The following ASIC2 variants were observed in gnomAD, a reference collection of about 807,000 sequenced individuals.
ASIC2 encodes acid-sensing ion channel 2.
In ASIC2, 25 loss-of-function variants were observed where a neutral mutation model predicts 57.3. That is an observed-to-expected ratio of 0.44 (90% CI 0.32 to 0.61). The LOEUF is 0.61. Among genes scored for constraint, ASIC2 ranks in the 20% least tolerant of loss-of-function variants. ASIC2 has a pLI of 0.06. For synonymous variants in ASIC2, 319 were observed against 307.5 expected (o/e 1.04, Z -0.39); for missense variants, 641 against 738.1 (o/e 0.87, Z 1.52).
intron 1 of ASIC2, among the ~76,000 whole-genome samples, chr17:33,865,456 G>C (rs1252784143): frequency 6.6e-6 from 1 of 152,154 alleles, no homozygotes; most frequent in Admixed American, 6.5e-5. Context: ...GCCAGGTACA[G>C]CCACTATTAA....
At chr17:33,684,367 A>T (rs112912952) in intron 1 of ASIC2, among the ~76,000 whole-genome samples, 86 of 151,576 alleles carry the variant, frequency 5.7e-4, no homozygotes, top group South Asian at 1.3e-3. Context: ...AGAGCTGACT[A>T]CCCAAGTGCA....
intron 1 of ASIC2, among the ~76,000 whole-genome samples, chr17:34,124,269 A>G (rs372879478): frequency 9.9e-4 from 151 of 152,242 alleles, no homozygotes; most frequent in African/African-American, 3.6e-3. Context: ...GACATCACTT[A>G]CTATTACTAT....
chr17:34,060,042 C>A (rs1035535840), intron 1 of ASIC2, among the ~76,000 whole-genome samples: 1 of 152,210 alleles, frequency 6.6e-6, no homozygotes, highest in Admixed American at 6.5e-5. Context: ...CCAACCAGCA[C>A]AAAAATAGAG....
Position 33,701,163 on chromosome 17 carries a change from C to T in ASIC2, c.555+454815G>A, listed in dbSNP as rs530474568. 9.2e-5 allele frequency among the ~76,000 whole-genome samples: 14 copies of T among 152,096 alleles called. No homozygotes were observed. The South Asian group carries it at 1.9e-3, about 20-fold the overall frequency. On this transcript the variant is annotated intron_variant, in intron 1 of 9. Transcript: ENST00000359872. ...AACCTGTCAGGGATAGCAAAGAACCCGGATTCTTCAGATTAAAAACCTAGG... is the reference window on the plus strand; with the variant it reads ...AACCTGTCAGGGATAGCAAAGAACCTGGATTCTTCAGATTAAAAACCTAGG...
intron 1 of ASIC2, among the ~76,000 whole-genome samples, chr17:34,150,937 A>AC (rs1488180037): frequency 9.9e-5 from 15 of 151,924 alleles, no homozygotes; most frequent in Non-Finnish European, 2.1e-4. Context: ...ATCTGGTGAG[A>AC]CCCCATCTCT....
At chr17:34,008,087 G>T (rs1185940090) in intron 1 of ASIC2, among the ~76,000 whole-genome samples, 1 of 152,100 alleles carries the variant, frequency 6.6e-6, no homozygotes, top group Non-Finnish European at 1.5e-5. Context: ...TCCTCATTTG[G>T]CTCAAAACAA....
intron 1 of ASIC2, among the ~76,000 whole-genome samples, chr17:33,540,759 G>T (rs1231060569): frequency 6.6e-6 from 1 of 152,020 alleles, no homozygotes; most frequent in African/African-American, 2.4e-5. Context: ...TATTCACTGG[G>T]ACCTACCAGC....
At chr17:34,073,032 C>G (rs1285323032) in intron 1 of ASIC2, among the ~76,000 whole-genome samples, 1 of 152,004 alleles carries the variant, frequency 6.6e-6, no homozygotes, top group Non-Finnish European at 1.5e-5. Context: ...GATCAAAGAA[C>G]CAGGAGGTGA....
chr17:34,099,221 A>AAAGAAAGAAAGGAAAG lies in ASIC2; in HGVS notation c.555+56756_555+56757insCTTTCCTTTCTTTCTT, dbSNP rs1567821099. 2.8e-3 allele frequency among the ~76,000 whole-genome samples: 295 copies of AAAGAAAGAAAGGAAAG among 103,968 alleles called. 4 individuals are homozygous for AAAGAAAGAAAGGAAAG. The highest frequency in any genetic ancestry group is 4.2e-3 in the African/African-American group (73 of 17,296). The allele number at this position is 103,968 out of a possible 152,430, so 68.2% of individuals were successfully genotyped here. A position where few individuals can be genotyped will look rare whatever the true frequency, so the allele number is the denominator to read the frequency against. Reference sequence around the variant, plus strand: ...GAAAGAAAGAAAGAAAGGAAAGAAAAGAAAGAAAAAAGAAAGAGAGAAAGG... The same window carrying AAAGAAAGAAAGGAAAG: ...GAAAGAAAGAAAGAAAGGAAAGAAAAAAGAAAGAAAGGAAAGGAAAGAAAAAAGAAAGAGAGAAAGG... On this transcript the variant is annotated intron_variant, in intron 1 of 9. Coordinates refer to the ASIC2 transcript ENST00000359872.
At chr17:33,554,108 T>C (rs908202171) in intron 1 of ASIC2, among the ~76,000 whole-genome samples, 2 of 152,204 alleles carry the variant, frequency 1.3e-5, no homozygotes, top group Non-Finnish European at 2.9e-5. Context: ...CCCAATTCTC[T>C]AATGCCTGGG....
At chr17:33,332,135 A>G (rs1459000834) in intron 1 of ASIC2, among the ~76,000 whole-genome samples, 1 of 152,214 alleles carries the variant, frequency 6.6e-6, no homozygotes, top group Non-Finnish European at 1.5e-5. Flanking sequence ...TGGTGCCTGC[A>G]TTCCATATAC....
chr17:33,781,280 G>A (rs1312800593), intron 1 of ASIC2, among the ~76,000 whole-genome samples: 1 of 152,200 alleles, frequency 6.6e-6, no homozygotes, highest in Non-Finnish European at 1.5e-5. Flanking sequence ...TAAAGAGCCC[G>A]AGACGCCTCT....
chr17:33,972,461 T>C (rs2141999060), intron 1 of ASIC2, among the ~76,000 whole-genome samples: 1 of 152,302 alleles, frequency 6.6e-6, no homozygotes, highest in South Asian at 2.1e-4. Context: ...TAGGCTTAGA[T>C]TAATGGTCCG....
At chr17:33,982,778 C>G (rs1464795530) in intron 1 of ASIC2, among the ~76,000 whole-genome samples, 1 of 152,190 alleles carries the variant, frequency 6.6e-6, no homozygotes. Flanking sequence ...GACAAAATAC[C>G]AGCTTCATTA....
chr17:33,485,660 A>G (rs1212391892), intron 1 of ASIC2, among the ~76,000 whole-genome samples: 3 of 152,268 alleles, frequency 2.0e-5, no homozygotes, highest in South Asian at 2.1e-4. Context: ...CCAGTCTCCA[A>G]TTGCTGCCTT....
chr17:33,777,374 G>A (rs1246492754), intron 1 of ASIC2, among the ~76,000 whole-genome samples: 2 of 152,196 alleles, frequency 1.3e-5, no homozygotes, highest in Non-Finnish European at 2.9e-5. Context: ...CCTCATGATG[G>A]GTCATGATGA....
intron 1 of ASIC2, among the ~76,000 whole-genome samples, chr17:33,217,573 C>T (rs1290083757): frequency 6.6e-6 from 1 of 152,240 alleles, no homozygotes; most frequent in South Asian, 2.1e-4. Flanking sequence ...CATTCTGTGT[C>T]CACCACTCCC....
At chr17:33,256,450 T>A (rs1185424467) in intron 1 of ASIC2, among the ~76,000 whole-genome samples, 1 of 152,222 alleles carries the variant, frequency 6.6e-6, no homozygotes, top group Non-Finnish European at 1.5e-5. Context: ...CTATTATATT[T>A]TTTTTACACT....
chr17:33,135,602 G>A (rs2092364167), intron 1 of ASIC2, among the ~76,000 whole-genome samples: 1 of 152,182 alleles, frequency 6.6e-6, no homozygotes, highest in African/African-American at 2.4e-5. Context: ...TTGGGAAGGG[G>A]CAAAGATGGA....
Sources: allele counts gnomAD v4.1 joint callset (sites outside exome capture counted in the v4.1 genomes callset), GRCh38; gene constraint gnomAD v4.1.1; transcripts MANE v1.5; gene names NCBI Gene and HGNC (gene_info 2026-07-23, HGNC 2026-07-21).